MECOM: variants seen among roughly 807,000 people sequenced by gnomAD.
The protein encoded by MECOM is histone-lysine N-methyltransferase MECOM.
In MECOM, 13 loss-of-function variants were observed where a neutral mutation model predicts 116.3. The observed-to-expected ratio is 0.11, with a 90% CI of 0.07 to 0.18. MECOM has a LOEUF of 0.18. MECOM is among the 10% of genes least tolerant of loss of function. The pLI, the probability that MECOM is intolerant of heterozygous loss-of-function variation, is 1.00. For missense variants in MECOM, 1,299 were observed against 1,509.0 expected, an observed-to-expected ratio of 0.86 and a Z score of 2.31; for synonymous variants, 528 against 535.2, an observed-to-expected ratio of 0.99 and a Z score of 0.19.
At chr3:169,147,808 G>C in intron 2 of MECOM, 1 of 909,602 alleles carries the variant, frequency 1.1e-6, no homozygotes, top group Non-Finnish European at 1.3e-6. Context: ...GGGAAGGGTA[G>C]AGAAGTGCTT....
chr3:169,326,352 A>T (rs908977260), intron 2 of MECOM, among the ~76,000 whole-genome samples: 1 of 151,472 alleles, frequency 6.6e-6, no homozygotes, highest in African/African-American at 2.4e-5. Context: ...TTAATTTCAC[A>T]TGTAAAAACA....
chr3:169,492,060 C>T (rs915557211), intron 1 of MECOM, among the ~76,000 whole-genome samples: 1 of 152,154 alleles, frequency 6.6e-6, no homozygotes, highest in African/African-American at 2.4e-5. Context: ...AAGTTTGGTA[C>T]ATTAGTATTG....
chr3:169,533,361 A>T (rs907560705), intron 1 of MECOM, among the ~76,000 whole-genome samples: 3 of 152,130 alleles, frequency 2.0e-5, no homozygotes, highest in African/African-American at 7.2e-5. Context: ...GCTACGATTT[A>T]TGGTGGGGAC....
At chr3:169,656,045 G>T (rs573915890) in intron 1 of MECOM, among the ~76,000 whole-genome samples, 1 of 152,184 alleles carries the variant, frequency 6.6e-6, no homozygotes, top group Non-Finnish European at 1.5e-5. Context: ...TGATGTGCAC[G>T]TTTGTAATGC....
intron 2 of MECOM, among the ~76,000 whole-genome samples, chr3:169,157,957 T>A (rs375317257): frequency 1.1e-4 from 16 of 152,210 alleles, no homozygotes; most frequent in African/African-American, 3.6e-4. Context: ...GTGGAGAACA[T>A]TGAAATGATG....
At chr3:169,181,971 T>C (rs1459240963) in intron 2 of MECOM, among the ~76,000 whole-genome samples, 1 of 152,184 alleles carries the variant, frequency 6.6e-6, no homozygotes, top group Non-Finnish European at 1.5e-5. Context: ...GAATTCTTGC[T>C]CAGAAGAGGA....
intron 2 of MECOM, among the ~76,000 whole-genome samples, chr3:169,158,841 C>A (rs16853270): frequency 0.07 from 10,700 of 152,168 alleles, 481 homozygotes; most frequent in South Asian, 0.19. Flanking sequence ...TGTTTTTATG[C>A]GTAGTGGGGT....
intron 1 of MECOM, among the ~76,000 whole-genome samples, chr3:169,566,985 T>A (rs1040376236): frequency 1.3e-5 from 2 of 152,254 alleles, no homozygotes; most frequent in African/African-American, 4.8e-5. Context: ...TTCTCTGGGC[T>A]CAACTTCCTC....
intron 1 of MECOM, among the ~76,000 whole-genome samples, chr3:169,505,003 C>A (rs73174335): frequency 6.6e-6 from 1 of 152,088 alleles, no homozygotes; most frequent in African/African-American, 2.4e-5. Flanking sequence ...AAGGTAGGGG[C>A]ATGGAGAGCA....
Position 169,191,740 on chromosome 3 carries a change from G to GAAAGAAAGAAAGAAAGAA in MECOM, c.376-47909_376-47908insTTCTTTCTTTCTTTCTTT, listed in dbSNP as rs760490760. Among the ~76,000 whole-genome samples, 226 of 64,228 alleles carry GAAAGAAAGAAAGAAAGAA rather than the reference G, an allele frequency of 3.5e-3. 1 individual carries two copies. Among genetic ancestry groups the GAAAGAAAGAAAGAAAGAA allele is most frequent in the Non-Finnish European group, 5.1e-3 (155 of 30,120 alleles). 42.1% of individuals were successfully genotyped at this position (64,228 alleles called of 152,430 possible). On this transcript the variant is annotated intron_variant, in intron 2 of 16. Coordinates refer to ENST00000651503, the MANE Select transcript of MECOM (RefSeq NM_004991.4). ...AGAAAAAAAGAAAGAAAGAAAGAAA[G>GAAAGAAAGAAAGAAAGAA]AGAAAGAAAGAAAGAAAGAAAGAAA...
intron 1 of MECOM, among the ~76,000 whole-genome samples, chr3:169,566,417 T>G (rs561421488): frequency 1.3e-5 from 2 of 152,184 alleles, no homozygotes; most frequent in South Asian, 4.1e-4. Context: ...CTCTTTCAAG[T>G]GCCCTCTCTG....
chr3:169,411,647 C>G (rs1415846301), intron 1 of MECOM, among the ~76,000 whole-genome samples: 2 of 152,152 alleles, frequency 1.3e-5, no homozygotes, highest in African/African-American at 4.8e-5. Flanking sequence ...CCAAAGAGCC[C>G]AAAAGTTGCA....
intron 1 of MECOM, among the ~76,000 whole-genome samples, chr3:169,572,829 G>A (rs1258235373): frequency 9.2e-5 from 14 of 152,090 alleles, no homozygotes. Context: ...GGCCTGTTGG[G>A]GGTTGGGGGA....
chr3:169,571,212 G>C (rs1763859035), intron 1 of MECOM, among the ~76,000 whole-genome samples: 1 of 152,074 alleles, frequency 6.6e-6, no homozygotes, highest in South Asian at 2.1e-4. Flanking sequence ...CAAACAGAAA[G>C]CTAAATCATG....
chr3:169,550,232 C>T (rs1281706853), intron 1 of MECOM, among the ~76,000 whole-genome samples: 1 of 152,198 alleles, frequency 6.6e-6, no homozygotes, highest in Non-Finnish European at 1.5e-5. Context: ...AAAGTTATGT[C>T]TACTGGGTCT....
At chr3:169,134,046 C>T (rs1314618076) in intron 3 of MECOM, 8 of 871,300 alleles carry the variant, frequency 9.2e-6, no homozygotes, top group Middle Eastern at 2.6e-4. Context: ...CAATACCCTA[C>T]AAGACAGTAA....
At chr3:169,264,838 C>A (rs1390777117) in intron 2 of MECOM, among the ~76,000 whole-genome samples, 1 of 152,200 alleles carries the variant, frequency 6.6e-6, no homozygotes, top group Non-Finnish European at 1.5e-5. Flanking sequence ...ATCCTGCCAA[C>A]TGACAGCAGT....
chr3:169,559,677 C>G (rs1226754029), intron 1 of MECOM, among the ~76,000 whole-genome samples: 1 of 152,168 alleles, frequency 6.6e-6, no homozygotes, highest in Non-Finnish European at 1.5e-5. Context: ...AACACCTTCT[C>G]CTCATTTTAT....
chr3:169,352,663 A>T (rs1726533159), intron 2 of MECOM, among the ~76,000 whole-genome samples: 1 of 151,910 alleles, frequency 6.6e-6, no homozygotes, highest in African/African-American at 2.4e-5. Flanking sequence ...AATCATAAAC[A>T]TCATAGTAAA....
Sources: gnomAD v4.1 joint callset for allele counts (sites outside exome capture counted in the v4.1 genomes callset) on GRCh38, gnomAD v4.1.1 for gene constraint, MANE v1.5 for transcripts, NCBI Gene and HGNC (gene_info 2026-07-23, HGNC 2026-07-21) for gene names.